The following BICD2 variants were observed in gnomAD, a reference collection of about 807,000 sequenced individuals.
The protein encoded by BICD2 is protein bicaudal D homolog 2.
A neutral mutation model predicts 72.9 loss-of-function variants in BICD2; 25 were observed. The ratio of observed to expected loss-of-function variants is 0.34; its 90% CI spans 0.25 to 0.48. BICD2 has a LOEUF of 0.48. Among genes scored for constraint, BICD2 ranks in the 20% least tolerant of loss-of-function variants. The pLI is 0.99. For missense variants in BICD2, 894 were observed against 1,175.2 expected (o/e 0.76, Z 3.50); for synonymous variants, 501 against 516.1 (o/e 0.97, Z 0.40).
rs140823552 is a variant in BICD2 at position 92,753,971 on chromosome 9, C to T, written c.240+10534G>A. 5.4e-3 allele frequency among the ~76,000 whole-genome samples: 822 copies of T among 151,318 alleles called. 45 individuals are homozygous for T. In the East Asian group the frequency reaches 0.092, roughly 17 times the overall value. On this transcript the variant is annotated intron_variant, in intron 1 of 6. Coordinates refer to ENST00000356884, the MANE Select transcript of BICD2 (RefSeq NM_001003800.2). ...CATCCCAGCTAACACCGTGAAACCC[C>T]GTCACTACTAAAAATACAAAAAAAT...
At position 92,719,241 on chromosome 9, in the gene BICD2, G is replaced by C. The variant is rs377002671; in HGVS notation, c.1404C>G (p.Ala468=). 6 of 1,612,472 alleles carry C rather than the reference G, an allele frequency of 3.7e-6. No individual in the cohort carries two copies. In the South Asian group the frequency reaches 6.6e-5, roughly 18 times the overall value. The part of the protein sequence containing the change: ...STHEAREAQH[A]EEKGRYEAEG... ...CAGCCTCATAGCGGCCCTTCTCCTCGGCGTGCTGGGCCTCACGAGCCTCGT... is the reference window on the plus strand; with the variant it reads ...CAGCCTCATAGCGGCCCTTCTCCTCCGCGTGCTGGGCCTCACGAGCCTCGT... The change falls in exon 5 of 7, where the codon GCC becomes GCG. Residue 468 remains alanine, a synonymous_variant. Transcript: ENST00000356884.
At chr9:92,722,196 G>A (rs186112754) in intron 3 of BICD2, among the ~76,000 whole-genome samples, 5 of 152,176 alleles carry the variant, frequency 3.3e-5, no homozygotes, top group Middle Eastern at 3.4e-3. Flanking sequence ...GACCCTACTC[G>A]TCCCTGTCAG....
intron 1 of BICD2, among the ~76,000 whole-genome samples, chr9:92,757,312 C>CAAAAAA (rs1169381290): frequency 1.9e-5 from 1 of 52,742 alleles, no homozygotes; most frequent in African/African-American, 9.0e-5. Context: ...AGACTGTCTC[C>CAAAAAA]AAAAAAAAAA....
chr9:92,719,324 C>A lies in BICD2; in HGVS notation c.1321G>T (p.Val441Leu), dbSNP rs746678259. The A allele has an allele frequency of 6.2e-7, 1 of 1,614,078 alleles. No individual in the cohort carries two copies. Among genetic ancestry groups the A allele is most frequent in the Non-Finnish European group, 8.5e-7 (1 of 1,180,040 alleles). Residue 441 changes from valine (V) to leucine (L), a missense_variant, in exon 5 of 7, where the codon GTG becomes TTG. Coordinates refer to ENST00000356884, the MANE Select transcript of BICD2 (RefSeq NM_001003800.2). Reference protein sequence around the residue: ...GPEILACKYHVAVAEAGELRE... With the variant: ...GPEILACKYHLAVAEAGELRE... ...AGCTCGCCAGCCTCAGCCACAGCCA[C>A]ATGGTACTTGCAGGCCAAGATCTCA...
intron 1 of BICD2, among the ~76,000 whole-genome samples, chr9:92,760,541 A>G (rs998150197): frequency 2.0e-5 from 3 of 152,226 alleles, no homozygotes; most frequent in Non-Finnish European, 2.9e-5. Context: ...AAGGGTCCCT[A>G]AAGATTCCTT....
intron 2 of BICD2, among the ~76,000 whole-genome samples, chr9:92,724,681 T>C (rs1853530430): frequency 6.6e-6 from 1 of 152,052 alleles, no homozygotes; most frequent in Non-Finnish European, 1.5e-5. Flanking sequence ...GGCCCCACAG[T>C]GGCTACACGG....
chr9:92,719,133 C>T lies in BICD2; in HGVS notation c.1512G>A (p.Lys504=), dbSNP rs775241204. ...CGACGTCGCTCACCTTCTTTAGCTC[C>T]TTCTCCAGCCGGGCCAGCAGCTCGC... ...QDRELLARLE[K]ELKKVSDVAG... Residue 504 remains lysine, a synonymous_variant, in exon 5 of 7, where the codon AAG becomes AAA. Coordinates refer to ENST00000356884, the MANE Select transcript of BICD2 (RefSeq NM_001003800.2). 6.2e-7 allele frequency: 1 copy of T among 1,612,390 alleles called. No individual in the cohort carries two copies. Among genetic ancestry groups the T allele is most frequent in the Admixed American group, 1.7e-5 (1 of 60,034 alleles).
chr9:92,716,919 C>G (rs950859416), intron 6 of BICD2, among the ~76,000 whole-genome samples: 3 of 152,202 alleles, frequency 2.0e-5, no homozygotes, highest in African/African-American at 7.2e-5. Context: ...CTCCTCCAAG[C>G]CCCGGCCCTC....
intron 1 of BICD2, among the ~76,000 whole-genome samples, chr9:92,748,381 C>T (rs970141289): frequency 3.3e-5 from 5 of 152,158 alleles, no homozygotes; most frequent in African/African-American, 1.2e-4. Context: ...TCATCTTTCC[C>T]CTGGGATCAT....
At chr9:92,752,190 A>C (rs1854164039) in intron 1 of BICD2, among the ~76,000 whole-genome samples, 2 of 152,232 alleles carry the variant, frequency 1.3e-5, no homozygotes, top group Admixed American at 6.5e-5. Context: ...CAATGAGCAC[A>C]CATAGCAACC....
In BICD2 at chr9:92,742,587, T is replaced by A. The variant is rs1564068970; in HGVS notation, c.241-13351A>T. ...GTTTAGTAGAGATGGGGTTTCACCA[T>A]GTTGGCCAGGATGGTCCGATCTCCT... On this transcript the variant is annotated intron_variant, in intron 1 of 6. Coordinates refer to ENST00000356884, the MANE Select transcript of BICD2 (RefSeq NM_001003800.2). Among the ~76,000 whole-genome samples, 8 of 152,206 alleles carry A rather than the reference T, an allele frequency of 5.3e-5. No individual in the cohort carries two copies. In the South Asian group the frequency reaches 1.7e-3, roughly 32 times the overall value.
chr9:92,729,408 G>C (rs1013069156), intron 1 of BICD2, among the ~76,000 whole-genome samples, 172 bp from the exon 2 acceptor site: 6 of 152,266 alleles, frequency 3.9e-5, no homozygotes, highest in Non-Finnish European at 7.3e-5. Context: ...GTGCACTGTG[G>C]TGTGCACATA....
At chr9:92,750,816 T>C (rs572438493) in intron 1 of BICD2, among the ~76,000 whole-genome samples, 55 of 152,214 alleles carry the variant, frequency 3.6e-4, no homozygotes, top group Non-Finnish European at 7.1e-4. Context: ...GGCTGGAATG[T>C]AGAATGTGAC....
In BICD2 at chr9:92,729,174, C is replaced by T. The variant is rs1853629743; in HGVS notation, c.303G>A (p.Glu101=). Residue 101 remains glutamate, a synonymous_variant, in exon 2 of 7, where the codon GAG becomes GAA. Transcript: ENST00000356884. Reference sequence around the variant, plus strand: ...TGGAGGCCGACTCCTGGATCAGGCTCTCCTCCCGGCTCTCTCCGTCAGCAG... The same window carrying T: ...TGGAGGCCGACTCCTGGATCAGGCTTTCCTCCCGGCTCTCTCCGTCAGCAG... ...KVAADGESRE[E]SLIQESASKE... 6.2e-7 allele frequency: 1 copy of T among 1,614,140 alleles called. No homozygotes were observed. The highest frequency in any genetic ancestry group is 1.7e-5 in the Admixed American group (1 of 60,012).
chr9:92,733,577 T>C (rs1021877019), intron 1 of BICD2, among the ~76,000 whole-genome samples: 1 of 151,576 alleles, frequency 6.6e-6, no homozygotes, highest in Non-Finnish European at 1.5e-5. Flanking sequence ...GATACATATA[T>C]GCAAAATAAT....
At chr9:92,744,565 G>A (rs551252156) in intron 1 of BICD2, among the ~76,000 whole-genome samples, 1 of 152,314 alleles carries the variant, frequency 6.6e-6, no homozygotes, top group South Asian at 2.1e-4. Flanking sequence ...TATTGGGCCA[G>A]GCGTGGTGGC....
At chr9:92,729,297 C>G in intron 1 of BICD2, 61 bp from the exon 2 acceptor site, 1 of 1,554,346 alleles carries the variant, frequency 6.4e-7, no homozygotes, top group South Asian at 1.1e-5. Context: ...AGGATAGAGA[C>G]CCAGCTCACA....
At position 92,719,143 on chromosome 9, in the gene BICD2, C is replaced by G. The variant is rs398123032; in HGVS notation, c.1502G>C (p.Arg501Pro). The stretch of plus-strand genomic sequence containing the variant: ...CACCTTCTTTAGCTCCTTCTCCAGC[C>G]GGGCCAGCAGCTCGCGGTCCTGGCG... ...ASRQDRELLA[R>P]LEKELKKVSD... The change falls in exon 5 of 7, where the codon CGG becomes CCG. Residue 501 changes from arginine to proline, a missense_variant. By Grantham distance (103) the Arg-to-Pro change is moderately radical. This residue lies in a region of BICD2 where 371 missense variants were observed against 439.1 expected (regional missense o/e 0.84). Coordinates refer to ENST00000356884, the MANE Select transcript of BICD2 (RefSeq NM_001003800.2). 1 of 1,612,114 alleles carries G rather than the reference C, an allele frequency of 6.2e-7. No homozygotes were observed. Among genetic ancestry groups the G allele is most frequent in the Non-Finnish European group, 8.5e-7 (1 of 1,179,988 alleles).
chr9:92,758,576 C>T (rs1409686285), intron 1 of BICD2, among the ~76,000 whole-genome samples: 36 of 122,204 alleles, frequency 2.9e-4, no homozygotes, highest in African/African-American at 2.5e-4. Flanking sequence ...AAAGGCTGGG[C>T]GTGGTGGCTC....
Sources: allele counts gnomAD v4.1 joint callset (sites outside exome capture counted in the v4.1 genomes callset), GRCh38; gene constraint gnomAD v4.1.1; regional missense constraint gnomAD v4.1.1; transcripts MANE v1.5; gene names NCBI Gene and HGNC (gene_info 2026-07-23, HGNC 2026-07-21).